Variants in EYS observed in about 807,000 individuals in gnomAD.
EYS encodes protein eyes shut homolog.
In EYS, 250 loss-of-function variants were observed where a neutral mutation model predicts 282.1. The ratio of observed to expected loss-of-function variants is 0.89; its 90% CI spans 0.80 to 0.98. The LOEUF (loss-of-function observed/expected upper bound fraction) is 0.98. EYS is among the 50% of genes least tolerant of loss of function. The pLI is 0.00. For missense variants in EYS, 4,016 were observed against 3,709.0 expected (o/e 1.08, Z -2.15); for synonymous variants, 1,355 against 1,282.9 (o/e 1.06, Z -1.20).
At chr6:64,099,985 G>C (rs1772770119) in intron 31 of EYS, among the ~76,000 whole-genome samples, 1 of 151,924 alleles carries the variant, frequency 6.6e-6, no homozygotes, top group African/African-American at 2.4e-5. Flanking sequence ...TCTTATTCTG[G>C]AAAATTTCCT....
chr6:64,083,426 C>G (rs1204826536), intron 31 of EYS, among the ~76,000 whole-genome samples: 2 of 152,122 alleles, frequency 1.3e-5, no homozygotes, highest in African/African-American at 4.8e-5. Context: ...GGCCTGACAC[C>G]TGCTGTCTTC....
intron 19 of EYS, among the ~76,000 whole-genome samples, chr6:64,884,490 G>T (rs1235859150): frequency 1.3e-5 from 2 of 151,338 alleles, no homozygotes; most frequent in African/African-American, 4.8e-5. Context: ...ACCTTGCAGT[G>T]TCATGACTCT....
intron 1 of EYS, among the ~76,000 whole-genome samples, chr6:65,662,387 A>G (rs549875507): frequency 6.6e-6 from 1 of 152,282 alleles, no homozygotes; most frequent in Admixed American, 6.5e-5. Flanking sequence ...TGAGCTTGAT[A>G]TATATTTTTT....
At chr6:64,266,156 T>C (rs1582508346) in intron 30 of EYS, among the ~76,000 whole-genome samples, 1 of 152,222 alleles carries the variant, frequency 6.6e-6, no homozygotes, top group East Asian at 1.9e-4. Context: ...TCAGCTTGCA[T>C]TATGTATTTC....
At chr6:64,845,181 C>T (rs1321199373) in intron 19 of EYS, among the ~76,000 whole-genome samples, 1 of 151,918 alleles carries the variant, frequency 6.6e-6, no homozygotes, top group African/African-American at 2.4e-5. Context: ...GTTCCAGCTA[C>T]TCAGGAAGCT....
chr6:64,178,350 G>A (rs912513398), intron 31 of EYS, among the ~76,000 whole-genome samples: 9 of 152,080 alleles, frequency 5.9e-5, no homozygotes, highest in African/African-American at 2.2e-4. Context: ...CCCTTTCCTT[G>A]GTTTAGTTAT....
chr6:65,186,499 A>T (rs562602974), intron 12 of EYS, among the ~76,000 whole-genome samples: 36 of 151,854 alleles, frequency 2.4e-4, no homozygotes, highest in African/African-American at 8.4e-4. Context: ...AGCCTATTTA[A>T]TACAGTTCCT....
intron 1 of EYS, among the ~76,000 whole-genome samples, chr6:65,658,621 T>C (rs1767903502): frequency 6.6e-6 from 1 of 151,788 alleles, no homozygotes; most frequent in South Asian, 2.1e-4. Flanking sequence ...ATATTTCAAA[T>C]TTAATGTTTG....
intron 8 of EYS, among the ~76,000 whole-genome samples, chr6:65,380,558 T>A (rs1213164790): frequency 6.6e-6 from 1 of 152,264 alleles, no homozygotes; most frequent in East Asian, 1.9e-4. Context: ...GACATAGGCA[T>A]GGGCAAGTAC....
chr6:65,150,030 C>G (rs982598865), intron 12 of EYS, among the ~76,000 whole-genome samples: 1 of 151,964 alleles, frequency 6.6e-6, no homozygotes, highest in Non-Finnish European at 1.5e-5. Flanking sequence ...CTCAGGAGAA[C>G]TCACTATCAT....
chr6:64,838,871 C>G (rs1229094076), intron 19 of EYS, among the ~76,000 whole-genome samples: 1 of 151,846 alleles, frequency 6.6e-6, no homozygotes, highest in Non-Finnish European at 1.5e-5. Context: ...ACCTATGATA[C>G]AATTTTTTGC....
intron 35 of EYS, among the ~76,000 whole-genome samples, chr6:63,933,958 G>A (rs1696097255): frequency 1.3e-5 from 2 of 152,256 alleles, no homozygotes; most frequent in South Asian, 4.1e-4. Context: ...CCATCAGAGT[G>A]AACAGGCAAC....
chr6:64,016,974 C>T (rs1341608768), intron 33 of EYS, among the ~76,000 whole-genome samples: 1 of 152,032 alleles, frequency 6.6e-6, no homozygotes, highest in East Asian at 1.9e-4. Flanking sequence ...TTCTTCCTGT[C>T]TCCTTTAATC....
intron 19 of EYS, among the ~76,000 whole-genome samples, chr6:64,828,848 A>G (rs894696484): frequency 6.6e-6 from 1 of 151,964 alleles, no homozygotes; most frequent in Non-Finnish European, 1.5e-5. Flanking sequence ...AGGAAAAATA[A>G]AAAAAGTCTG....
At chr6:65,568,882 G>GAC (rs1400228246) in intron 2 of EYS, among the ~76,000 whole-genome samples, 3 of 152,158 alleles carry the variant, frequency 2.0e-5, no homozygotes, top group Non-Finnish European at 4.4e-5. Flanking sequence ...AGAATATTAT[G>GAC]ACAGTGAAAG....
intron 12 of EYS, among the ~76,000 whole-genome samples, chr6:65,085,304 G>GTGA (rs1774334577): frequency 6.6e-6 from 1 of 152,080 alleles, no homozygotes; most frequent in Admixed American, 6.6e-5. Context: ...ATTTGTGATT[G>GTGA]ATCTGAAGTA....
At chr6:64,059,072 A>C (rs192471534) in intron 33 of EYS, among the ~76,000 whole-genome samples, 2 of 151,580 alleles carry the variant, frequency 1.3e-5, no homozygotes, top group East Asian at 3.9e-4. Flanking sequence ...CTCATCATAC[A>C]TTTTCTTCCA....
At chr6:63,852,228 G>T (rs1772277474) in intron 36 of EYS, among the ~76,000 whole-genome samples, 1 of 121,974 alleles carries the variant, frequency 8.2e-6, no homozygotes, top group Non-Finnish European at 1.8e-5. Flanking sequence ...TAACAAAATA[G>T]AACCCTAGCC....
chr6:65,631,011 C>T (rs967306061), intron 2 of EYS, among the ~76,000 whole-genome samples: 1 of 152,056 alleles, frequency 6.6e-6, no homozygotes, highest in African/African-American at 2.4e-5. Context: ...AAATATTTGA[C>T]TGATGTGTAA....
Sources: gnomAD v4.1 joint callset for allele counts (sites outside exome capture counted in the v4.1 genomes callset) on GRCh38, gnomAD v4.1.1 for gene constraint, MANE v1.5 for transcripts, NCBI Gene and HGNC (gene_info 2026-07-23, HGNC 2026-07-21) for gene names.